CDH13: variants seen among roughly 807,000 people sequenced by gnomAD.
The protein encoded by CDH13 is cadherin-13.
CDH13 carries 24 observed loss-of-function variants against 63.8 expected under a neutral mutation model. The observed-to-expected ratio is 0.38, with a 90% CI of 0.27 to 0.53. The LOEUF (loss-of-function observed/expected upper bound fraction) is 0.53, where lower values mean the gene tolerates loss of function less well. Among genes scored for constraint, CDH13 ranks in the 20% least tolerant of loss-of-function variants. The pLI, the probability that CDH13 is intolerant of heterozygous loss-of-function variation, is 0.85. For synonymous variants in CDH13, 503 were observed against 355.3 expected, an observed-to-expected ratio of 1.42 and a Z score of -4.67; for missense variants, 1,049 against 903.1, an observed-to-expected ratio of 1.16 and a Z score of -2.07.
At chr16:83,526,041 A>G (rs1567737164) in intron 7 of CDH13, among the ~76,000 whole-genome samples, 2 of 152,312 alleles carry the variant, frequency 1.3e-5, no homozygotes, top group South Asian at 2.1e-4. Context: ...CTGCAGAACT[A>G]TAAAATTTAC....
chr16:82,819,729 T>C (rs1014101758), intron 1 of CDH13, among the ~76,000 whole-genome samples: 2 of 152,212 alleles, frequency 1.3e-5, no homozygotes, highest in African/African-American at 4.8e-5. Flanking sequence ...CTTCAAAATG[T>C]ATTGAATGCC....
chr16:83,460,982 A>AACACACACAC (rs367812199), intron 6 of CDH13, among the ~76,000 whole-genome samples: 6,465 of 134,190 alleles, frequency 0.048, 201 homozygotes, highest in African/African-American at 0.07. Context: ...CTTGTCTCAA[A>AACACACACAC]ACACACACAC....
intron 3 of CDH13, among the ~76,000 whole-genome samples, chr16:83,124,042 CTT>C (rs774073436): frequency 5.4e-4 from 82 of 152,004 alleles, no homozygotes; most frequent in Non-Finnish European, 1.1e-3. Context: ...GCCCCACTTT[CTT>C]TTGTTTGTTT....
At chr16:83,650,141 G>T (rs11149590) in intron 8 of CDH13, among the ~76,000 whole-genome samples, 151,914 of 152,270 alleles carry the variant, frequency 1, 75,779 homozygotes, top group Middle Eastern at 1. Flanking sequence ...CAGAATCAAT[G>T]TGTTGCACCT....
chr16:82,933,658 G>A (rs1182582717), intron 2 of CDH13, among the ~76,000 whole-genome samples: 3 of 152,020 alleles, frequency 2.0e-5, no homozygotes, highest in African/African-American at 7.3e-5. Context: ...TTCCACCTAT[G>A]AGCCTGTAAA....
chr16:83,717,516 G>A (rs1397109005), intron 10 of CDH13, among the ~76,000 whole-genome samples: 14 of 152,224 alleles, frequency 9.2e-5, no homozygotes, highest in Admixed American at 7.9e-4. Context: ...GCTGAAGGAC[G>A]ACACCATCAG....
At position 83,250,094 on chromosome 16, in the gene CDH13, C is replaced by CCCA. The variant is rs1905347351; in HGVS notation, c.636+32598_636+32600dup. 2.0e-5 allele frequency among the ~76,000 whole-genome samples: 3 copies of CCCA among 152,146 alleles called. No individual in the cohort carries two copies. The East Asian group carries it at 5.8e-4, about 29-fold the overall frequency. On this transcript the variant is annotated intron_variant, in intron 5 of 13. Coordinates refer to ENST00000567109, the MANE Select transcript of CDH13 (RefSeq NM_001257.5). ...CAAATCCTTTAGCCAAATGACCATACCCATGGGTGTCAGAGCAACAGTAAT... is the reference window on the plus strand; with the variant it reads ...CAAATCCTTTAGCCAAATGACCATACCCACCATGGGTGTCAGAGCAACAGTAAT...
intron 6 of CDH13, among the ~76,000 whole-genome samples, chr16:83,394,099 G>A (rs2091839194): frequency 6.6e-6 from 1 of 152,112 alleles, no homozygotes; most frequent in Admixed American, 6.5e-5. Flanking sequence ...TGAGGGTGGA[G>A]GTTGGGAGGA....
chr16:83,036,636 T>C (rs1317766044), intron 3 of CDH13, among the ~76,000 whole-genome samples: 1 of 152,136 alleles, frequency 6.6e-6, no homozygotes, highest in Admixed American at 6.6e-5. Flanking sequence ...CTGAACCTGA[T>C]AGAACACTCC....
chr16:83,609,176 AG>A (rs1908634842), intron 8 of CDH13, among the ~76,000 whole-genome samples: 1 of 152,178 alleles, frequency 6.6e-6, no homozygotes, highest in Non-Finnish European at 1.5e-5. Context: ...GGCAGCATGC[AG>A]CTGAGGATGG....
chr16:83,700,950 A>C (rs1487444903), intron 10 of CDH13, among the ~76,000 whole-genome samples: 2 of 152,150 alleles, frequency 1.3e-5, no homozygotes, highest in Non-Finnish European at 2.9e-5. Context: ...TTTAAGAGGA[A>C]TCTATTTACA....
At chr16:82,885,890 C>G (rs1197463429) in intron 2 of CDH13, among the ~76,000 whole-genome samples, 1 of 152,118 alleles carries the variant, frequency 6.6e-6, no homozygotes, top group Non-Finnish European at 1.5e-5. Context: ...ATATAAGATA[C>G]TTGACAAAGT....
chr16:83,114,069 C>G (rs910892206), intron 3 of CDH13, among the ~76,000 whole-genome samples: 1 of 152,140 alleles, frequency 6.6e-6, no homozygotes, highest in African/African-American at 2.4e-5. Context: ...CTTCTGTTCT[C>G]CACTCCCTTA....
At chr16:83,600,079 A>G (rs562071822) in intron 7 of CDH13, among the ~76,000 whole-genome samples, 2 of 152,310 alleles carry the variant, frequency 1.3e-5, no homozygotes, top group African/African-American at 2.4e-5. Flanking sequence ...TCAAGCATCT[A>G]TACCGAGAGA....
intron 2 of CDH13, among the ~76,000 whole-genome samples, chr16:82,955,082 T>A (rs1905868941): frequency 6.6e-6 from 1 of 152,222 alleles, no homozygotes; most frequent in Non-Finnish European, 1.5e-5. Flanking sequence ...TTGAATAACG[T>A]TGCTGTGAAA....
intron 1 of CDH13, chr16:82,639,456 A>C (rs935565714): frequency 6.5e-7 from 1 of 1,532,674 alleles, no homozygotes; most frequent in Non-Finnish European, 8.7e-7. Flanking sequence ...CTGCAGCTTC[A>C]ACCATGCAGG....
intron 2 of CDH13, among the ~76,000 whole-genome samples, chr16:83,014,776 GTATA>G (rs1158483617): frequency 0.028 from 1,031 of 37,224 alleles, 20 homozygotes; most frequent in Non-Finnish European, 0.047. Context: ...ATATATATAT[GTATA>G]TATATATATT....
chr16:83,686,959 C>A (rs1312617303), intron 10 of CDH13, among the ~76,000 whole-genome samples: 1 of 152,158 alleles, frequency 6.6e-6, no homozygotes, highest in African/African-American at 2.4e-5. Flanking sequence ...TTTGTAATCC[C>A]AGCACTTCGG....
intron 5 of CDH13, among the ~76,000 whole-genome samples, chr16:83,239,010 GTGC>G (rs1174784678): frequency 6.6e-6 from 1 of 152,196 alleles, no homozygotes; most frequent in Admixed American, 6.5e-5. Context: ...TGCCTTGCAT[GTGC>G]TGTTACTGGC....
Sources: allele counts gnomAD v4.1 joint callset (sites outside exome capture counted in the v4.1 genomes callset), GRCh38; gene constraint gnomAD v4.1.1; transcripts MANE v1.5; gene names NCBI Gene and HGNC (gene_info 2026-07-23, HGNC 2026-07-21).